Variants in ADAMTS18 observed in about 807,000 individuals in gnomAD.
The protein encoded by ADAMTS18 is A disintegrin and metalloproteinase with thrombospondin motifs 18.
In ADAMTS18, 157 loss-of-function variants were observed where a neutral mutation model predicts 165.9. The observed-to-expected ratio is 0.95, with a 90% confidence interval of 0.83 to 1.08. The LOEUF (loss-of-function observed/expected upper bound fraction) is 1.08. Among genes scored for constraint, ADAMTS18 ranks in the 50% least tolerant of loss-of-function variants. The probability of loss-of-function intolerance (pLI) is 0.00; values close to 1 mark genes in which losing one functional copy is unlikely to be tolerated. For synonymous variants in ADAMTS18, 782 were observed against 578.2 expected (o/e 1.35, Z -5.06); for missense variants, 2,040 against 1,534.0 (o/e 1.33, Z -5.51).
intron 13 of ADAMTS18, among the ~76,000 whole-genome samples, chr16:77,323,701 T>C (rs1343964098): frequency 6.6e-6 from 1 of 152,178 alleles, no homozygotes; most frequent in Non-Finnish European, 1.5e-5. Context: ...TTCTTCTAAA[T>C]TGCAGGAATG....
At chr16:77,423,447 T>C (rs981447810) in intron 3 of ADAMTS18, among the ~76,000 whole-genome samples, 2 of 152,172 alleles carry the variant, frequency 1.3e-5, no homozygotes, top group Non-Finnish European at 2.9e-5. Context: ...ACATCGGTTT[T>C]GATAATGATA....
intron 16 of ADAMTS18, among the ~76,000 whole-genome samples, chr16:77,304,498 A>T (rs1270346143): frequency 6.6e-6 from 1 of 152,210 alleles, no homozygotes; most frequent in Non-Finnish European, 1.5e-5. Context: ...TTTTCTTTGA[A>T]GATTTCTATT....
At chr16:77,342,437 A>G (rs181894810) in intron 10 of ADAMTS18, among the ~76,000 whole-genome samples, 2 of 146,886 alleles carry the variant, frequency 1.4e-5, no homozygotes, top group East Asian at 4.4e-4. Flanking sequence ...AGCATTTTCT[A>G]TGAGTGCTGT....
At chr16:77,416,268 A>G (rs1837763753) in intron 3 of ADAMTS18, among the ~76,000 whole-genome samples, 2 of 152,162 alleles carry the variant, frequency 1.3e-5, no homozygotes, top group African/African-American at 4.8e-5. Flanking sequence ...AGCCCAGTGG[A>G]AGAGCTCAGT....
chr16:77,297,352 C>G lies in ADAMTS18; in HGVS notation c.2738G>C (p.Cys913Ser), dbSNP rs1042907077. The G allele has an allele frequency of 1.2e-6, 2 of 1,613,846 alleles. No individual in the cohort carries two copies. The highest frequency in any genetic ancestry group is 2.7e-5 in the African/African-American group (2 of 74,908). The change falls in exon 18 of 23, where the codon TGC becomes TCC. Residue 913 changes from cysteine (C) to serine (S), a missense_variant. Coordinates refer to ENST00000282849, the MANE Select transcript of ADAMTS18 (RefSeq NM_199355.4). ...DQNTQVNSSF[C>S]SAKTKPVTEP... is the part of the protein sequence containing the mutation. The stretch of plus-strand genomic sequence containing the variant: ...AGTTACTGGCTTGGTTTTTGCACTG[C>G]AGAATGAGGAATTGACTTGAGTATT...
chr16:77,307,488 A>G (rs966903325), intron 16 of ADAMTS18, among the ~76,000 whole-genome samples: 3 of 152,204 alleles, frequency 2.0e-5, no homozygotes, highest in African/African-American at 4.8e-5. Flanking sequence ...AACCTTGACT[A>G]CAGTTCTAAT....
At position 77,434,461 on chromosome 16, in the gene ADAMTS18, G is replaced by C. The variant is rs185990292; in HGVS notation, c.135C>G (p.Ala45=). Residue 45 remains alanine (A), a synonymous_variant, in exon 2 of 23, where the codon GCC becomes GCG. Transcript: ENST00000282849. ...CGCCGCTGCTGCTGTCACTGGCTAA[G>C]GCCGCGGCGACCGACGCACAGCAGA... ...CCLCCASVAA[A]LASDSSSGAS... is the part of the protein sequence containing the mutation. 6 of 1,572,870 alleles carry C rather than the reference G, an allele frequency of 3.8e-6. No homozygotes were observed. In the African/African-American group the frequency reaches 4.0e-5, roughly 11 times the overall value.
intron 3 of ADAMTS18, among the ~76,000 whole-genome samples, chr16:77,370,393 C>G (rs909573384): frequency 2.0e-5 from 3 of 152,130 alleles, no homozygotes; most frequent in African/African-American, 7.2e-5. Context: ...TTGTAGGACG[C>G]AAAAATCAAC....
chr16:77,322,878 C>G (rs1208444133), intron 13 of ADAMTS18, among the ~76,000 whole-genome samples: 2 of 152,050 alleles, frequency 1.3e-5, no homozygotes, highest in Admixed American at 6.5e-5. Context: ...GCCAGCAGCC[C>G]ATAGTTTGAT....
chr16:77,312,811 T>C (rs2055808055), intron 16 of ADAMTS18, among the ~76,000 whole-genome samples: 1 of 152,096 alleles, frequency 6.6e-6, no homozygotes, highest in African/African-American at 2.4e-5. Context: ...CTGGAGAGGA[T>C]GTGGAGAAAT....
In ADAMTS18 at chr16:77,282,906, C is replaced by CTCTTTTTTTTTTTTTTTTT. The variant is rs527534262; in HGVS notation, c.*1049_*1050insAAAAAAAAAAAAAAAAAGA. 2 of 77,582 alleles carry CTCTTTTTTTTTTTTTTTTT rather than the reference C, an allele frequency of 2.6e-5. No individual in the cohort carries two copies. The highest frequency in any genetic ancestry group is 4.1e-5 in the African/African-American group (1 of 24,644). The allele number at this position is 77,582 out of a possible 1,614,324, so 4.8% of individuals were successfully genotyped here. A position where few individuals can be genotyped will look rare whatever the true frequency, so the allele number is the denominator to read the frequency against. On this transcript the variant is annotated 3_prime_UTR_variant, in exon 23 of 23. Transcript: ENST00000282849. ...CCACTGTTTACTCCTTTCTTTCTCTCTTTTTTTTTTTTTTTTTTTTGCTGT... is the reference window on the plus strand; with the variant it reads ...CCACTGTTTACTCCTTTCTTTCTCTCTCTTTTTTTTTTTTTTTTTTTTTTTTTTTTTTTTTTTTTGCTGT...
intron 3 of ADAMTS18, among the ~76,000 whole-genome samples, chr16:77,370,407 A>G (rs941007809): frequency 6.6e-6 from 1 of 152,174 alleles, no homozygotes; most frequent in Non-Finnish European, 1.5e-5. Context: ...AATCAACACA[A>G]AACATCAGTA....
intron 10 of ADAMTS18, among the ~76,000 whole-genome samples, chr16:77,343,858 C>T (rs966861426): frequency 1.4e-4 from 21 of 151,946 alleles, no homozygotes; most frequent in African/African-American, 4.8e-4. Context: ...CATTCTATTT[C>T]CAAAGATAAA....
chr16:77,336,275 G>A (rs924988642), intron 11 of ADAMTS18, among the ~76,000 whole-genome samples: 6 of 152,086 alleles, frequency 3.9e-5, no homozygotes, highest in South Asian at 2.1e-4. Flanking sequence ...AGAACAATTC[G>A]GATCACTCAT....
chr16:77,381,898 G>C (rs2057036364), intron 3 of ADAMTS18, among the ~76,000 whole-genome samples: 1 of 152,172 alleles, frequency 6.6e-6, no homozygotes, highest in South Asian at 2.1e-4. Context: ...GAGACACTGA[G>C]AAAGCTTCCC....
chr16:77,390,458 G>A (rs1400597849), intron 3 of ADAMTS18, among the ~76,000 whole-genome samples: 20 of 152,028 alleles, frequency 1.3e-4, no homozygotes, highest in Admixed American at 9.8e-4. Flanking sequence ...TTCGGAGGCC[G>A]AGGCGGGCAG....
chr16:77,403,622 A>G (rs1032139793), intron 3 of ADAMTS18, among the ~76,000 whole-genome samples: 6 of 152,240 alleles, frequency 3.9e-5, no homozygotes, highest in South Asian at 4.1e-4. Context: ...TGGCTTAGTC[A>G]GGTCCTCTGA....
chr16:77,358,377 C>G (rs2056662634), intron 8 of ADAMTS18, among the ~76,000 whole-genome samples: 1 of 152,174 alleles, frequency 6.6e-6, no homozygotes, highest in Admixed American at 6.6e-5. Context: ...GCATGACCAA[C>G]ATGGTGAAAC....
Position 77,291,375 on chromosome 16 carries a change from T to C in ADAMTS18, c.3293A>G (p.Asn1098Ser). The C allele has an allele frequency of 6.2e-7, 1 of 1,614,174 alleles. No individual in the cohort carries two copies. Among genetic ancestry groups the C allele is most frequent in the Non-Finnish European group, 8.5e-7 (1 of 1,180,022 alleles). Reference sequence around the variant, plus strand: ...CAAGTCCAGATTTGGTTTCTTAATATTACGGCATCTTCGCTCTGGGAAAGT... The same window carrying C: ...CAAGTCCAGATTTGGTTTCTTAATACTACGGCATCTTCGCTCTGGGAAAGT... ...LITFPERRCR[N>S]IKKPNLDLEE... The change falls in exon 21 of 23, where the codon AAT (asparagine) becomes AGT (serine). Residue 1098 changes from asparagine (N) to serine (S), a missense_variant. Transcript: ENST00000282849.
Sources: allele counts gnomAD v4.1 joint callset (sites outside exome capture counted in the v4.1 genomes callset), GRCh38; gene constraint gnomAD v4.1.1; transcripts MANE v1.5; gene names NCBI Gene and HGNC (gene_info 2026-07-23, HGNC 2026-07-21).